The following TMEM38B variants were observed in gnomAD, a reference collection of about 807,000 sequenced individuals.
TMEM38B encodes trimeric intracellular cation channel type B.
A neutral mutation model predicts 28.7 loss-of-function variants in TMEM38B; 24 were observed. That is an observed-to-expected ratio of 0.84 (90% confidence interval 0.61 to 1.18). The LOEUF is 1.18. Ranked by LOEUF, TMEM38B falls within the 50% of genes most tolerant of loss-of-function variation. The pLI, the probability that TMEM38B is intolerant of heterozygous loss-of-function variation, is 0.00. For synonymous variants in TMEM38B, 131 were observed against 127.7 expected (o/e 1.03, Z -0.17); for missense variants, 380 against 350.9 (o/e 1.08, Z -0.66).
chr9:105,710,873 G>GA, intron 2 of TMEM38B: 2 of 308,738 alleles, frequency 6.5e-6, no homozygotes, highest in South Asian at 3.2e-5. Context: ...CAGCCAGAGG[G>GA]CTCCGCTATG....
At chr9:105,706,926 G>A (rs866991474) in intron 2 of TMEM38B, among the ~76,000 whole-genome samples, 5 of 151,900 alleles carry the variant, frequency 3.3e-5, no homozygotes, top group African/African-American at 4.8e-5. Flanking sequence ...ACAGGCATGC[G>A]CCACCACGTC....
chr9:105,712,136 A>G (rs1253392814), intron 2 of TMEM38B, among the ~76,000 whole-genome samples: 1 of 152,120 alleles, frequency 6.6e-6, no homozygotes, highest in Non-Finnish European at 1.5e-5. Context: ...GCTGGTCTCG[A>G]ATTCCTGAGC....
At chr9:105,751,513 T>C (rs1837650618) in intron 5 of TMEM38B, among the ~76,000 whole-genome samples, 1 of 151,874 alleles carries the variant, frequency 6.6e-6, no homozygotes. Context: ...GGCCCTGGAG[T>C]CCTTAGCAAG....
At chr9:105,748,338 C>T in intron 5 of TMEM38B, 148 bp downstream of exon 5, 1 of 609,476 alleles carries the variant, frequency 1.6e-6, no homozygotes, top group Non-Finnish European at 2.8e-6. Context: ...TCAGCACATC[C>T]ATGACTTTCT....
At position 105,705,988 on chromosome 9, in the gene TMEM38B, C is replaced by T. The variant is rs7030040; in HGVS notation, c.269+235C>T. On this transcript the variant is annotated intron_variant, in intron 2 of 5. Transcript: ENST00000374692. Reference sequence around the variant, plus strand: ...TAATCTTGGCTCACTGCAACCTCCACCTCCTGGGTTCAAGTGATTCTTCTG... The same window carrying T: ...TAATCTTGGCTCACTGCAACCTCCATCTCCTGGGTTCAAGTGATTCTTCTG... Among the ~76,000 whole-genome samples, 5,100 of 151,530 alleles carry T rather than the reference C, an allele frequency of 0.034. 228 individuals are homozygous for T. The highest frequency in any genetic ancestry group is 0.1 in the African/African-American group (4,147 of 41,184).
At chr9:105,756,997 A>G (rs1837858082) in intron 5 of TMEM38B, among the ~76,000 whole-genome samples, 1 of 152,076 alleles carries the variant, frequency 6.6e-6, no homozygotes, top group Non-Finnish European at 1.5e-5. Flanking sequence ...TGAGTTTGGT[A>G]CACCTGTCAC....
intron 1 of TMEM38B, among the ~76,000 whole-genome samples, chr9:105,698,204 A>G (rs544841973): frequency 6.6e-6 from 1 of 151,202 alleles, no homozygotes; most frequent in African/African-American, 2.4e-5. Flanking sequence ...GTAGCCAAGA[A>G]CCCGGGTTCC....
intron 3 of TMEM38B, 91 bp from the exon 4 acceptor site, chr9:105,722,443 G>T: frequency 9.8e-7 from 1 of 1,018,666 alleles, no homozygotes; most frequent in Non-Finnish European, 1.5e-6. Context: ...CTCTTGGAAT[G>T]TATTATCAGG....
At chr9:105,710,716 C>G in intron 2 of TMEM38B, 1 of 640,030 alleles carries the variant, frequency 1.6e-6, no homozygotes, top group South Asian at 1.4e-5. Flanking sequence ...ATCTTCAGAC[C>G]TGGTGTCGTT....
At chr9:105,702,221 C>G (rs149671571) in intron 1 of TMEM38B, among the ~76,000 whole-genome samples, 1 of 151,082 alleles carries the variant, frequency 6.6e-6, no homozygotes, top group South Asian at 2.1e-4. Context: ...TCATTTTTCT[C>G]TCTTTTTAAA....
At chr9:105,722,981 C>T (rs949109123) in intron 4 of TMEM38B, among the ~76,000 whole-genome samples, 15 of 152,016 alleles carry the variant, frequency 9.9e-5, no homozygotes, top group African/African-American at 3.4e-4. Flanking sequence ...TTGGCATTTT[C>T]ATTAATGACT....
At chr9:105,751,086 C>G (rs1837631393) in intron 5 of TMEM38B, among the ~76,000 whole-genome samples, 1 of 152,180 alleles carries the variant, frequency 6.6e-6, no homozygotes, top group African/African-American at 2.4e-5. Context: ...CTGGTAGGAT[C>G]CAAGATGGCT....
intron 4 of TMEM38B, among the ~76,000 whole-genome samples, chr9:105,724,448 C>T (rs1308362684): frequency 6.6e-6 from 1 of 151,894 alleles, no homozygotes; most frequent in Non-Finnish European, 1.5e-5. Context: ...CATGGTGAAA[C>T]CCCGTCTCTA....
intron 2 of TMEM38B, among the ~76,000 whole-genome samples, chr9:105,712,686 T>G (rs2133564578): frequency 6.6e-6 from 1 of 152,340 alleles, no homozygotes; most frequent in East Asian, 1.9e-4. Flanking sequence ...TAGTTTTATC[T>G]TTTCTTCTTA....
chr9:105,734,687 A>T (rs1160556660), intron 4 of TMEM38B, among the ~76,000 whole-genome samples: 1 of 151,916 alleles, frequency 6.6e-6, no homozygotes, highest in East Asian at 1.9e-4. Context: ...TTAAATACTG[A>T]CCTTTGTCTT....
intron 4 of TMEM38B, among the ~76,000 whole-genome samples, chr9:105,732,574 C>T (rs376682794): frequency 1.3e-5 from 2 of 152,056 alleles, no homozygotes; most frequent in Non-Finnish European, 2.9e-5. Flanking sequence ...GAATCCTTTC[C>T]CCATTTCTTG....
intron 4 of TMEM38B, among the ~76,000 whole-genome samples, chr9:105,746,825 A>G (rs905970726): frequency 8.5e-5 from 13 of 152,264 alleles, no homozygotes; most frequent in South Asian, 2.1e-4. Context: ...TTCTGCATCT[A>G]TTGAGATAAT....
intron 4 of TMEM38B, among the ~76,000 whole-genome samples, chr9:105,735,558 A>G (rs191141709): frequency 2.0e-5 from 3 of 152,246 alleles, no homozygotes; most frequent in Non-Finnish European, 2.9e-5. Flanking sequence ...TTTGCTGGGT[A>G]TAGTATTTTT....
intron 4 of TMEM38B, among the ~76,000 whole-genome samples, chr9:105,743,648 G>T (rs1837285094): frequency 6.6e-6 from 1 of 152,146 alleles, no homozygotes; most frequent in South Asian, 2.1e-4. Flanking sequence ...TTAGCTAAAT[G>T]ATGGGCTGCA....
Sources: gnomAD v4.1 joint callset for allele counts (sites outside exome capture counted in the v4.1 genomes callset) on GRCh38, gnomAD v4.1.1 for gene constraint, MANE v1.5 for transcripts, NCBI Gene and HGNC (gene_info 2026-07-23, HGNC 2026-07-21) for gene names.